Variants in MIB1 observed in about 807,000 individuals in gnomAD.
MIB1 encodes the protein E3 ubiquitin-protein ligase MIB1.
A neutral mutation model predicts 124.5 loss-of-function variants in MIB1; 278 were observed. The ratio of observed to expected loss-of-function variants is 2.23; its 90% CI spans 2.02 to 2.47. MIB1 has a LOEUF of 2.47. Ranked by LOEUF, MIB1 falls within the 30% of genes most tolerant of loss-of-function variation. MIB1 has a pLI of 0.00. For missense variants in MIB1, 957 were observed against 1,254.4 expected (o/e 0.76, Z 3.58); for synonymous variants, 446 against 429.4 (o/e 1.04, Z -0.48).
intron 1 of MIB1, among the ~76,000 whole-genome samples, chr18:21,734,221 C>T (rs2040784909): frequency 6.6e-6 from 1 of 151,576 alleles, no homozygotes; most frequent in African/African-American, 2.4e-5. Context: ...ATTCTGCTGC[C>T]TCAGCCTCCC....
At chr18:21,855,084 C>G (rs2042215059) in intron 18 of MIB1, 2 of 152,246 alleles carry the variant, frequency 1.3e-5, no homozygotes, top group Non-Finnish European at 2.9e-5. Context: ...TTATTGAGCT[C>G]TTAATTCTGT....
At chr18:21,750,383 A>G (rs1249238353) in intron 1 of MIB1, among the ~76,000 whole-genome samples, 3 of 151,766 alleles carry the variant, frequency 2.0e-5, no homozygotes, top group Middle Eastern at 3.2e-3. Flanking sequence ...GCTAGAGTGC[A>G]GTGGCAAGAT....
At chr18:21,812,608 C>T (rs2041786749) in intron 10 of MIB1, 1 of 152,096 alleles carries the variant, frequency 6.6e-6, no homozygotes, top group African/African-American at 2.4e-5. Flanking sequence ...TTGACTGTGA[C>T]TTACAGATAC....
At chr18:21,717,481 T>G (rs1266922583) in intron 1 of MIB1, among the ~76,000 whole-genome samples, 3 of 152,072 alleles carry the variant, frequency 2.0e-5, no homozygotes, top group African/African-American at 7.2e-5. Flanking sequence ...GGAGAAAACC[T>G]TAACAATCTA....
At chr18:21,727,944 T>G (rs1293474973) in intron 1 of MIB1, among the ~76,000 whole-genome samples, 1 of 152,204 alleles carries the variant, frequency 6.6e-6, no homozygotes, top group Non-Finnish European at 1.5e-5. Context: ...TCCCCTTGAT[T>G]GCAACATTGT....
chr18:21,823,215 C>T (rs2041894607), intron 12 of MIB1, among the ~76,000 whole-genome samples: 1 of 128,700 alleles, frequency 7.8e-6, no homozygotes, highest in African/African-American at 3.0e-5. Flanking sequence ...GTCTGGGTTA[C>T]AGATCAAGAC....
chr18:21,827,111 ACAGCAT>A (rs2041932237), intron 12 of MIB1: 2 of 152,144 alleles, frequency 1.3e-5, no homozygotes, highest in Non-Finnish European at 2.9e-5. Context: ...AAAAAATAGT[ACAGCAT>A]TTGATAATGT....
chr18:21,745,521 G>A (rs2959510), intron 1 of MIB1, among the ~76,000 whole-genome samples: 24,043 of 152,088 alleles, frequency 0.16, 2,603 homozygotes, highest in African/African-American at 0.31. Context: ...AGTATGCCAC[G>A]TAAAGGTAAG....
chr18:21,838,460 A>T lies in MIB1; in HGVS notation c.1925A>T (p.Asn642Ile). 6.2e-7 allele frequency: 1 copy of T among 1,611,386 alleles called. No individual in the cohort carries two copies. Among genetic ancestry groups the T allele is most frequent in the Non-Finnish European group, 8.5e-7 (1 of 1,178,604 alleles). Residue 642 changes from asparagine to isoleucine, a missense_variant, in exon 13 of 21, where the codon AAT becomes ATT. Physicochemically the swap from Asn to Ile is moderately radical, Grantham distance 149. Transcript: ENST00000261537. ...ACTGCCTTACATCTGGCTGCCCTTA[A>T]TAATCACGTAGAAGTGGCTGAACTG... ...GYTALHLAALNNHVEVAELLV... is the reference protein window; with the variant it reads ...GYTALHLAALINHVEVAELLV...
chr18:21,846,842 T>A, intron 15 of MIB1, 102 bp from the exon 16 acceptor site: 1 of 1,112,672 alleles, frequency 9.0e-7, no homozygotes, highest in Non-Finnish European at 1.3e-6. Context: ...ACATTAGGAC[T>A]AGAACTCATA....
intron 13 of MIB1, among the ~76,000 whole-genome samples, chr18:21,840,635 A>G (rs1306551215): frequency 6.2e-4 from 2 of 3,236 alleles, no homozygotes; most frequent in Non-Finnish European, 1.4e-3. Flanking sequence ...CTGTATATAT[A>G]TATATATATA....
Position 21,843,162 on chromosome 18 carries a change from AC to A in MIB1, c.1996del (p.Gln666AsnfsTer42). 1 of 1,605,864 alleles carries A rather than the reference AC, an allele frequency of 6.2e-7. No individual in the cohort carries two copies. Among genetic ancestry groups the A allele is most frequent in the Non-Finnish European group, 8.5e-7 (1 of 1,177,024 alleles). ...GNANLDIQNV[N>X]QQTALHLAVE... The stretch of plus-strand genomic sequence containing the variant: ...GCAAACCTGGATATCCAGAATGTGA[AC>A]CAACAAACTGCCCTACACCTTGCTG... On this transcript the variant is annotated frameshift_variant, in exon 14 of 21. Coordinates refer to ENST00000261537, the MANE Select transcript of MIB1 (RefSeq NM_020774.4). LOFTEE classifies it high-confidence loss of function.
chr18:21,798,052 C>T lies in MIB1; in HGVS notation c.1093-32C>T, dbSNP rs1684085939. The T allele has an allele frequency of 1.9e-6, 3 of 1,608,200 alleles. No individual in the cohort carries two copies. In the African/African-American group the frequency reaches 4.0e-5, roughly 22 times the overall value. Reference sequence around the variant, plus strand: ...TTGACTTTATGGTATATACTTTAGACTTGGAAACATGAATCTATTTTTTTC... The same window carrying T: ...TTGACTTTATGGTATATACTTTAGATTTGGAAACATGAATCTATTTTTTTC... On this transcript the variant is annotated intron_variant, in intron 7 of 20. Coordinates refer to ENST00000261537, the MANE Select transcript of MIB1 (RefSeq NM_020774.4).
intron 9 of MIB1, among the ~76,000 whole-genome samples, chr18:21,800,566 G>A (rs543811122): frequency 2.0e-5 from 3 of 152,002 alleles, no homozygotes; most frequent in Non-Finnish European, 4.4e-5. Context: ...ATTGTGCTTT[G>A]GCTTTGGCAT....
rs1007168003 is a variant in MIB1, at chr18:21,766,057, C to T, written c.401+114C>T. ...TAGCTTCTGACAGTTGGTTTACTAA[C>T]AGGAGGTACCCAATAGTAGGATAGA... On this transcript the variant is annotated intron_variant, in intron 2 of 20. Coordinates refer to ENST00000261537, the MANE Select transcript of MIB1 (RefSeq NM_020774.4). 5.3e-6 allele frequency: 5 copies of T among 948,904 alleles called. No homozygotes were observed. The South Asian group carries it at 7.0e-5, about 13-fold the overall frequency. 58.8% of individuals were successfully genotyped at this position (948,904 alleles called of 1,614,324 possible). A position where few individuals can be genotyped will look rare whatever the true frequency, so the allele number is the denominator to read the frequency against.
intron 1 of MIB1, among the ~76,000 whole-genome samples, chr18:21,764,728 GAAAAA>G (rs5823309): frequency 1.4e-5 from 2 of 147,108 alleles, no homozygotes; most frequent in East Asian, 2.0e-4. Flanking sequence ...CAGTTATTTT[GAAAAA>G]AAAAACAAAA....
In MIB1 at chr18:21,791,393, G is replaced by C. The variant is rs778303386; in HGVS notation, c.928G>C (p.Val310Leu). The change falls in exon 7 of 21, where the codon GTT becomes CTT. Residue 310 changes from valine to leucine, a missense_variant. Coordinates refer to ENST00000261537, the MANE Select transcript of MIB1 (RefSeq NM_020774.4). The stretch of plus-strand genomic sequence containing the variant: ...TTGTAGGTGGACCTTCAATCCTGCT[G>C]TTCTCACTAAAGCGAACATTGTCCG... ...SGNRWTFNPA[V>L]LTKANIVRSG... 1 of 1,612,618 alleles carries C rather than the reference G, an allele frequency of 6.2e-7. No homozygotes were observed. Among genetic ancestry groups the C allele is most frequent in the East Asian group, 2.2e-5 (1 of 44,836 alleles).
intron 1 of MIB1, among the ~76,000 whole-genome samples, chr18:21,716,089 A>G (rs538321057): frequency 3.5e-4 from 53 of 152,364 alleles, no homozygotes; most frequent in African/African-American, 1.3e-3. Flanking sequence ...AAGAAGGAAG[A>G]AAGAATCTTA....
chr18:21,785,430 A>G (rs923200807), intron 6 of MIB1, among the ~76,000 whole-genome samples: 1 of 152,222 alleles, frequency 6.6e-6, no homozygotes, highest in Non-Finnish European at 1.5e-5. Context: ...TATTATAGAT[A>G]TAACAAGTTA....
Sources: gnomAD v4.1 joint callset for allele counts (sites outside exome capture counted in the v4.1 genomes callset) on GRCh38, gnomAD v4.1.1 for gene constraint, MANE v1.5 for transcripts, NCBI Gene and HGNC (gene_info 2026-07-23, HGNC 2026-07-21) for gene names.